The following TRARG1 variants were observed in gnomAD, a reference collection of about 807,000 sequenced individuals.
TRARG1 encodes trafficking regulator of GLUT4 1.
Under a neutral mutation model 13.3 loss-of-function variants are expected in TRARG1, and 16 were observed. The ratio of observed to expected loss-of-function variants is 1.20; its 90% CI spans 0.81 to 1.83. The LOEUF (loss-of-function observed/expected upper bound fraction) is 1.83, where lower values mean the gene tolerates loss of function less well. TRARG1 is among the 40% of genes most tolerant of loss of function. The pLI is 0.00. For missense variants in TRARG1, 250 were observed against 237.4 expected (o/e 1.05, Z -0.35); for synonymous variants, 113 against 106.2 (o/e 1.06, Z -0.39).
At chr17:1,291,265 C>T (rs534840544) in intron 1 of TRARG1, among the ~76,000 whole-genome samples, 5 of 152,306 alleles carry the variant, frequency 3.3e-5, no homozygotes, top group Admixed American at 2.0e-4. Flanking sequence ...CACCCGCCAC[C>T]GCGCCCAGCT....
At chr17:1,293,026 A>G (rs1477611532) in intron 1 of TRARG1, among the ~76,000 whole-genome samples, 1 of 152,040 alleles carries the variant, frequency 6.6e-6, no homozygotes, top group African/African-American at 2.4e-5. Context: ...AGTGACTCAC[A>G]CCTGTACTCC....
intron 1 of TRARG1, among the ~76,000 whole-genome samples, chr17:1,294,058 C>T (rs1598194605): frequency 2.0e-5 from 3 of 152,284 alleles, no homozygotes; most frequent in Non-Finnish European, 4.4e-5. Flanking sequence ...ATGTTGAACT[C>T]AGGAGCCTCA....
At chr17:1,297,180 G>C (rs2072118243) in intron 2 of TRARG1, among the ~76,000 whole-genome samples, 1 of 152,132 alleles carries the variant, frequency 6.6e-6, no homozygotes, top group South Asian at 2.1e-4. Context: ...CGAGGAATGT[G>C]TCAGAAACGC....
intron 2 of TRARG1, 140 bp from the exon 3 acceptor site, chr17:1,298,111 G>A: frequency 1.0e-6 from 1 of 959,632 alleles, no homozygotes; most frequent in Non-Finnish European, 1.6e-6. Context: ...AAACCAAAGA[G>A]GTTCCCAAGC....
intron 1 of TRARG1, among the ~76,000 whole-genome samples, chr17:1,282,037 C>CACACATATGT (rs1176493538): frequency 4.6e-5 from 5 of 108,030 alleles, no homozygotes; most frequent in Admixed American, 9.3e-5. Flanking sequence ...TACATATATA[C>CACACATATGT]ACACATATGT....
At chr17:1,282,286 A>G (rs112557930) in intron 1 of TRARG1, among the ~76,000 whole-genome samples, 1,314 of 63,132 alleles carry the variant, frequency 0.021, 13 homozygotes, top group Admixed American at 0.05. Flanking sequence ...GTATATGTAC[A>G]TATATGTACG....
At chr17:1,288,316 CCATCCCCCACGGGCTCCT>C (rs1460866871) in intron 1 of TRARG1, among the ~76,000 whole-genome samples, 12 of 91,904 alleles carry the variant, frequency 1.3e-4, no homozygotes, top group African/African-American at 4.9e-4. Flanking sequence ...CACGGGTTCC[CCATCCCCCACGGGCTCCT>C]CATCCCCCAC....
chr17:1,283,717 G>C (rs981741107), intron 1 of TRARG1, among the ~76,000 whole-genome samples: 1 of 151,984 alleles, frequency 6.6e-6, no homozygotes, highest in African/African-American at 2.4e-5. Context: ...GCTGAGGCAG[G>C]AGAATCACTT....
rs560160029 is a variant in TRARG1, at chr17:1,280,112, T to C, written c.111T>C (p.Asp37=). The change falls in exon 1 of 3, where the codon GAT becomes GAC. Residue 37 remains aspartate, a synonymous_variant. Transcript: ENST00000333813. ...EILLTKAENK[D]DKTLNLSKTL... is the part of the protein sequence containing the mutation. ...TCCTCACCAAGGCAGAGAACAAGGA[T>C]GACAAGACCCTGAATCTGTCCAAGA... is the stretch of plus-strand genomic sequence containing the variant. 1 of 1,613,794 alleles carries C rather than the reference T, an allele frequency of 6.2e-7. No individual in the cohort carries two copies. Among genetic ancestry groups the C allele is most frequent in the African/African-American group, 1.3e-5 (1 of 75,056 alleles).
chr17:1,295,426 T>C, intron 1 of TRARG1, 65 bp from the exon 2 acceptor site: 1 of 1,527,234 alleles, frequency 6.5e-7, no homozygotes, highest in Non-Finnish European at 8.8e-7. Context: ...GGCTGCCTGC[T>C]GAGGCCCATG....
chr17:1,279,963 C>T lies in TRARG1; in HGVS notation c.-39C>T, dbSNP rs757064487. The T allele has an allele frequency of 2.2e-5, 34 of 1,575,798 alleles. No individual in the cohort carries two copies. The highest frequency in any genetic ancestry group is 9.0e-5 in the East Asian group (4 of 44,496). On this transcript the variant is annotated 5_prime_UTR_variant, in exon 1 of 3. Transcript: ENST00000333813. Reference sequence around the variant, plus strand: ...CTGAGGTCCCTCCAGAGCCCCTTGTCCCAGCCTGGAGCTGCAGCCGCGCAA... The same window carrying T: ...CTGAGGTCCCTCCAGAGCCCCTTGTTCCAGCCTGGAGCTGCAGCCGCGCAA...
At chr17:1,291,866 A>G (rs1204759546) in intron 1 of TRARG1, among the ~76,000 whole-genome samples, 1 of 152,198 alleles carries the variant, frequency 6.6e-6, no homozygotes, top group African/African-American at 2.4e-5. Flanking sequence ...ACCTCAAGCA[A>G]CTCAGACTGG....
intron 1 of TRARG1, among the ~76,000 whole-genome samples, chr17:1,282,273 C>CATAT (rs2071986339): frequency 1.1e-5 from 1 of 92,014 alleles, no homozygotes; most frequent in African/African-American, 3.7e-5. Context: ...TACATATATG[C>CATAT]ACGTATATGT....
chr17:1,282,201 T>TGCGTATATGC (rs2071982958), intron 1 of TRARG1, among the ~76,000 whole-genome samples: 1 of 140,166 alleles, frequency 7.1e-6, no homozygotes, highest in African/African-American at 3.2e-5. Flanking sequence ...CGTGTACACG[T>TGCGTATATGC]GCGTATATGT....
Position 1,280,752 on chromosome 17 carries a change from G to T in TRARG1, c.387+364G>T, listed in dbSNP as rs78848837. Among the ~76,000 whole-genome samples, 62 of 152,276 alleles carry T rather than the reference G, an allele frequency of 4.1e-4. 2 individuals are homozygous for T. In the East Asian group the frequency reaches 9.9e-3, roughly 24 times the overall value. On this transcript the variant is annotated intron_variant, in intron 1 of 2. Transcript: ENST00000333813. ...GGACGGGCGGTCCCAAAGGGTCATC[G>T]CCAAGTGGGGCTGTCTCAGCAGAGG...
intron 1 of TRARG1, among the ~76,000 whole-genome samples, chr17:1,281,226 G>A (rs1015005496): frequency 6.6e-6 from 1 of 152,226 alleles, no homozygotes; most frequent in African/African-American, 2.4e-5. Flanking sequence ...ATATTGGCAA[G>A]TGACTTTTGA....
chr17:1,287,678 A>T (rs878937555), intron 1 of TRARG1, among the ~76,000 whole-genome samples: 1 of 151,528 alleles, frequency 6.6e-6, no homozygotes, highest in Admixed American at 6.6e-5. Context: ...TTTAAGACAG[A>T]GTCTCGCTCT....
chr17:1,282,062 G>GTATACATATA (rs1555630769), intron 1 of TRARG1, among the ~76,000 whole-genome samples: 16 of 145,378 alleles, frequency 1.1e-4, no homozygotes, highest in Admixed American at 6.1e-4. Context: ...ATATGTACAT[G>GTATACATATA]TATACACATA....
chr17:1,300,750 CCG>C lies in TRARG1; in HGVS notation c.*2487_*2488del, dbSNP rs2072149753. ...GACCTGGACGGAGGGTCCCCACAGC[CCG>C]TGCCCCACGCCGCCTGGAGGCCAGA... On this transcript the variant is annotated 3_prime_UTR_variant, in exon 3 of 3. Coordinates refer to ENST00000333813, the MANE Select transcript of TRARG1 (RefSeq NM_172367.3). The C allele has an allele frequency of 3.9e-5, 6 of 152,476 alleles. No homozygotes were observed. The highest frequency in any genetic ancestry group is 8.8e-5 in the Non-Finnish European group (6 of 68,234). The allele number at this position is 152,476 out of a possible 1,614,324, so 9.4% of individuals were successfully genotyped here. A position where few individuals can be genotyped will look rare whatever the true frequency, so the allele number is the denominator to read the frequency against.
Sources: allele counts gnomAD v4.1 joint callset (sites outside exome capture counted in the v4.1 genomes callset), GRCh38; gene constraint gnomAD v4.1.1; transcripts MANE v1.5; gene names NCBI Gene and HGNC (gene_info 2026-07-23, HGNC 2026-07-21).